IQCM: variants seen among roughly 807,000 people sequenced by gnomAD.
The protein encoded by IQCM is IQ domain-containing protein M.
In IQCM, 45 loss-of-function variants were observed where a neutral mutation model predicts 57.6. The observed-to-expected ratio is 0.78, with a 90% CI of 0.62 to 1.00. The LOEUF is 1.00. Ranked by LOEUF, IQCM falls within the 50% of genes least tolerant of loss-of-function variation. IQCM has a pLI of 0.00. For synonymous variants in IQCM, 148 were observed against 158.9 expected, an observed-to-expected ratio of 0.93 and a Z score of 0.51; for missense variants, 468 against 511.6, an observed-to-expected ratio of 0.91 and a Z score of 0.82.
At chr4:149,468,334 C>T (rs190340179) in intron 12 of IQCM, among the ~76,000 whole-genome samples, 11 of 152,200 alleles carry the variant, frequency 7.2e-5, no homozygotes, top group African/African-American at 1.9e-4. Context: ...TTATATCCCG[C>T]GCATAGCTCA....
intron 5 of IQCM, among the ~76,000 whole-genome samples, chr4:149,696,740 C>T (rs1321019394): frequency 6.6e-6 from 1 of 152,128 alleles, no homozygotes; most frequent in Non-Finnish European, 1.5e-5. Context: ...TTAGACGCAT[C>T]AGGCTAGATA....
chr4:149,430,711 A>G (rs1728259112), intron 13 of IQCM, among the ~76,000 whole-genome samples: 1 of 152,058 alleles, frequency 6.6e-6, no homozygotes, highest in Non-Finnish European at 1.5e-5. Context: ...TGAGTATTCT[A>G]CATGGATATA....
In IQCM at chr4:149,803,824, T is replaced by G. The variant is rs139266081; in HGVS notation, c.-49+11487A>C. Among the ~76,000 whole-genome samples the G allele has an allele frequency of 2.2e-4, 33 of 152,116 alleles. No individual in the cohort carries two copies. The East Asian group carries it at 6.0e-3, about 28-fold the overall frequency. On this transcript the variant is annotated intron_variant, in intron 2 of 13. Transcript: ENST00000636793. ...TATTTCTTAAATAGGGTCTGAGATG[T>G]GCAGTTCTTTGAGTTATAATTTTCT...
chr4:149,456,496 TG>T (rs1370180484), intron 12 of IQCM, among the ~76,000 whole-genome samples: 1 of 152,124 alleles, frequency 6.6e-6, no homozygotes, highest in African/African-American at 2.4e-5. Context: ...AAGGTAATTT[TG>T]TACAGTATTT....
At chr4:149,735,783 A>C (rs919201799) in intron 3 of IQCM, among the ~76,000 whole-genome samples, 10 of 152,198 alleles carry the variant, frequency 6.6e-5, no homozygotes, top group African/African-American at 2.4e-4. Context: ...CTTGATGACT[A>C]ATGTATGAAG....
chr4:149,651,296 G>C (rs1759154225), intron 7 of IQCM, among the ~76,000 whole-genome samples: 1 of 152,164 alleles, frequency 6.6e-6, no homozygotes, highest in Non-Finnish European at 1.5e-5. Context: ...CAAGAAACTG[G>C]AAGGTGGAAA....
At chr4:149,725,818 C>T (rs1765840811) in intron 5 of IQCM, among the ~76,000 whole-genome samples, 1 of 152,068 alleles carries the variant, frequency 6.6e-6, no homozygotes, top group African/African-American at 2.4e-5. Context: ...GAACCAGCTC[C>T]CAAACTCTTC....
At chr4:149,758,656 T>G (rs1054097809) in intron 2 of IQCM, among the ~76,000 whole-genome samples, 4 of 152,162 alleles carry the variant, frequency 2.6e-5, no homozygotes, top group Admixed American at 6.6e-5. Context: ...GACTTTTAAA[T>G]GGGCCAAATA....
intron 9 of IQCM, among the ~76,000 whole-genome samples, chr4:149,569,632 T>C (rs1313229093): frequency 6.6e-6 from 1 of 152,164 alleles, no homozygotes; most frequent in Admixed American, 6.6e-5. Context: ...ATCAAAAGAA[T>C]GGTAGCCTTA....
chr4:149,648,605 G>A (rs1466149765), intron 7 of IQCM, among the ~76,000 whole-genome samples: 1 of 152,180 alleles, frequency 6.6e-6, no homozygotes. Context: ...CTAGATCCCT[G>A]AGGAATCGCC....
chr4:149,733,179 C>T (rs1766620388), intron 5 of IQCM, 65 bp downstream of exon 5: 2 of 1,188,884 alleles, frequency 1.7e-6, no homozygotes, highest in African/African-American at 1.6e-5. Flanking sequence ...CCATTACAGG[C>T]ACATAAGAAA....
intron 2 of IQCM, among the ~76,000 whole-genome samples, chr4:149,796,418 C>T (rs1338905687): frequency 6.6e-6 from 1 of 152,172 alleles, no homozygotes. Context: ...AGGTAGACTT[C>T]TAAGGTTTTT....
At chr4:149,392,778 C>G (rs1731957513) in intron 13 of IQCM, among the ~76,000 whole-genome samples, 1 of 151,926 alleles carries the variant, frequency 6.6e-6, no homozygotes, top group Non-Finnish European at 1.5e-5. Flanking sequence ...TCAGTGAATG[C>G]AGAACACTGA....
intron 8 of IQCM, among the ~76,000 whole-genome samples, chr4:149,611,189 T>TA (rs947128654): frequency 1.2e-4 from 18 of 151,668 alleles, no homozygotes; most frequent in South Asian, 4.2e-4. Context: ...TGGCTTTTAC[T>TA]AAAAAAAATG....
intron 12 of IQCM, among the ~76,000 whole-genome samples, chr4:149,486,391 G>T (rs1315365423): frequency 6.6e-6 from 1 of 151,920 alleles, no homozygotes; most frequent in Admixed American, 6.6e-5. Flanking sequence ...AGTTTCCACA[G>T]GCAGAGGATC....
rs934064235 is a variant in IQCM, at chr4:149,757,390, A to G, written c.-48-14651T>C. Among the ~76,000 whole-genome samples, 4 of 152,236 alleles carry G rather than the reference A, an allele frequency of 2.6e-5. No individual in the cohort carries two copies. The South Asian group carries it at 8.3e-4, about 32-fold the overall frequency. On this transcript the variant is annotated intron_variant, in intron 2 of 13. Coordinates refer to ENST00000636793, the MANE Select transcript of IQCM (RefSeq NM_001363507.2). ...AAAAATAAACAGATTCTGTTCACATATCAATAGAGATTATCAAATAATACA... is the reference window on the plus strand; with the variant it reads ...AAAAATAAACAGATTCTGTTCACATGTCAATAGAGATTATCAAATAATACA...
chr4:149,405,870 CCATATATATATATATCTT>C (rs1013762879), intron 13 of IQCM, among the ~76,000 whole-genome samples: 4 of 111,596 alleles, frequency 3.6e-5, no homozygotes, highest in African/African-American at 1.4e-4. Flanking sequence ...ATATCTCTCT[CCATATATATATATATCTT>C]CATATATATA....
chr4:149,670,710 C>T (rs942721298), intron 7 of IQCM, among the ~76,000 whole-genome samples: 2 of 152,040 alleles, frequency 1.3e-5, no homozygotes, highest in Non-Finnish European at 2.9e-5. Flanking sequence ...TTGTTGAAGG[C>T]CTTTTCTGCA....
chr4:149,414,101 G>T (rs554911687), intron 13 of IQCM, among the ~76,000 whole-genome samples: 1 of 152,196 alleles, frequency 6.6e-6, no homozygotes, highest in South Asian at 2.1e-4. Context: ...CCACACAAAA[G>T]AATTGGTTTG....
Sources: allele counts gnomAD v4.1 joint callset (sites outside exome capture counted in the v4.1 genomes callset), GRCh38; gene constraint gnomAD v4.1.1; transcripts MANE v1.5; gene names NCBI Gene and HGNC (gene_info 2026-07-23, HGNC 2026-07-21).